Variants in BTRC observed in about 807,000 individuals in gnomAD.
BTRC encodes the protein beta-transducin repeat containing E3 ubiquitin protein ligase, also known as F-box/WD repeat-containing protein 1A.
Under a neutral mutation model 85.5 loss-of-function variants are expected in BTRC, and 42 were observed. The ratio of observed to expected loss-of-function variants is 0.49; its 90% CI spans 0.38 to 0.64. The LOEUF (loss-of-function observed/expected upper bound fraction) is 0.64, where lower values mean the gene tolerates loss of function less well. Ranked by LOEUF, BTRC falls within the 30% of genes least tolerant of loss-of-function variation. The pLI is 0.00. For missense variants in BTRC, 594 were observed against 743.5 expected (o/e 0.80, Z 2.34); for synonymous variants, 255 against 263.3 (o/e 0.97, Z 0.30).
chr10:101,453,975 C>T (rs1945012689), intron 2 of BTRC, among the ~76,000 whole-genome samples: 1 of 152,150 alleles, frequency 6.6e-6, no homozygotes, highest in South Asian at 2.1e-4. Context: ...TGGCTATGGG[C>T]CAGTTAAACT....
intron 1 of BTRC, among the ~76,000 whole-genome samples, chr10:101,400,100 T>C (rs1943458476): frequency 6.6e-6 from 1 of 152,202 alleles, no homozygotes; most frequent in Admixed American, 6.5e-5. Flanking sequence ...TAGATAATGT[T>C]CATTTTTGTT....
Position 101,532,305 on chromosome 10 carries a change from C to G in BTRC, c.851C>G (p.Ser284Cys). 1 of 1,610,956 alleles carries G rather than the reference C, an allele frequency of 6.2e-7. No homozygotes were observed. Among genetic ancestry groups the G allele is most frequent in the Non-Finnish European group, 8.5e-7 (1 of 1,179,010 alleles). ...ATTCCTTCTTCTCAGACAATAGAAT[C>G]TAATTGGAGATGTGGAAGACATAGT... ...KIIQDIETIE[S>C]NWRCGRHSLQ... Residue 284 changes from serine to cysteine, a missense_variant, in exon 8 of 15, where the codon TCT becomes TGT. By Grantham distance (112) the Ser-to-Cys change is moderately radical. Coordinates refer to ENST00000370187, the MANE Select transcript of BTRC (RefSeq NM_033637.4).
intron 4 of BTRC, among the ~76,000 whole-genome samples, chr10:101,480,513 T>G (rs1167864668): frequency 6.6e-6 from 1 of 152,216 alleles, no homozygotes; most frequent in Non-Finnish European, 1.5e-5. Context: ...TCTCACTGCA[T>G]CCTCACATGA....
At chr10:101,524,943 GGGGAAA>G (rs2062168602) in intron 5 of BTRC, among the ~76,000 whole-genome samples, 1 of 152,114 alleles carries the variant, frequency 6.6e-6, no homozygotes, top group Non-Finnish European at 1.5e-5. Context: ...ATATGATTCA[GGGGAAA>G]GGCCCAAAAT....
chr10:101,494,140 T>C (rs993505198), intron 4 of BTRC, among the ~76,000 whole-genome samples: 5 of 152,318 alleles, frequency 3.3e-5, no homozygotes, highest in African/African-American at 1.2e-4. Flanking sequence ...CACCCCTAGT[T>C]TGAGCTGCTC....
At chr10:101,491,657 TC>T (rs1946136853) in intron 4 of BTRC, among the ~76,000 whole-genome samples, 1 of 151,258 alleles carries the variant, frequency 6.6e-6, no homozygotes, top group Non-Finnish European at 1.5e-5. Flanking sequence ...AGATCGCGCC[TC>T]TGCACTCCAG....
At chr10:101,493,838 G>T (rs1251677191) in intron 4 of BTRC, among the ~76,000 whole-genome samples, 1 of 152,178 alleles carries the variant, frequency 6.6e-6, no homozygotes, top group Non-Finnish European at 1.5e-5. Context: ...TTCTTTTCAA[G>T]CTTTGATTGT....
chr10:101,533,178 G>T, intron 9 of BTRC, 108 bp downstream of exon 9: 9 of 673,156 alleles, frequency 1.3e-5, no homozygotes, highest in African/African-American at 3.6e-5. Flanking sequence ...AACTAAAGAA[G>T]AATAAACCAC....
rs1208791807 is a variant in BTRC at position 101,455,983 on chromosome 10, A to AACACACACACAAAC, written c.157-5987_157-5986insAACACACACACACA. On this transcript the variant is annotated intron_variant, in intron 2 of 14. Transcript: ENST00000370187. ...ATGGTGAAACTCTGTCTCTACTAAA[A>AACACACACACAAAC]ACACACACACACACACACACACACA... Among the ~76,000 whole-genome samples the AACACACACACAAAC allele has an allele frequency of 4.2e-5, 4 of 96,044 alleles. No homozygotes were observed. In the East Asian group the frequency reaches 1.2e-3, roughly 29 times the overall value. 63.0% of individuals were successfully genotyped at this position (96,044 alleles called of 152,430 possible).
intron 1 of BTRC, among the ~76,000 whole-genome samples, chr10:101,370,053 T>G (rs1942588238): frequency 6.6e-6 from 1 of 152,200 alleles, no homozygotes; most frequent in African/African-American, 2.4e-5. Context: ...ACATTTGGAC[T>G]TCAACACTCT....
In BTRC at chr10:101,386,258, C is replaced by T. The variant is rs145833672; in HGVS notation, c.48+32030C>T. ...GATGTGGTATAACCAAGCAAATGCC[C>T]AGCAAGGTCAGTTTACTCTAGTAAG... On this transcript the variant is annotated intron_variant, in intron 1 of 14. Transcript: ENST00000370187. Among the ~76,000 whole-genome samples, 12 of 152,276 alleles carry T rather than the reference C, an allele frequency of 7.9e-5. No individual in the cohort carries two copies. The East Asian group carries it at 2.3e-3, about 29-fold the overall frequency.
intron 2 of BTRC, among the ~76,000 whole-genome samples, chr10:101,446,839 C>G (rs944516965): frequency 3.9e-5 from 6 of 152,006 alleles, no homozygotes; most frequent in African/African-American, 1.5e-4. Flanking sequence ...ATGTTTCTTC[C>G]CTCTATCCCC....
At chr10:101,483,390 C>T (rs1363494405) in intron 4 of BTRC, among the ~76,000 whole-genome samples, 2 of 152,164 alleles carry the variant, frequency 1.3e-5, no homozygotes, top group African/African-American at 4.8e-5. Flanking sequence ...GTCAGGAGTT[C>T]AAGACCAGCC....
At chr10:101,425,233 C>G (rs1944219133) in intron 1 of BTRC, among the ~76,000 whole-genome samples, 1 of 152,130 alleles carries the variant, frequency 6.6e-6, no homozygotes, top group Non-Finnish European at 1.5e-5. Flanking sequence ...TGTGTCTTTA[C>G]TATCGCATTG....
At chr10:101,470,366 T>C (rs1355738321) in intron 3 of BTRC, among the ~76,000 whole-genome samples, 5 of 147,774 alleles carry the variant, frequency 3.4e-5, no homozygotes, top group African/African-American at 1.0e-4. Flanking sequence ...GGAGTCTCGC[T>C]GTGTCGCCCA....
chr10:101,369,925 C>T (rs1375326775), intron 1 of BTRC, among the ~76,000 whole-genome samples: 2 of 152,180 alleles, frequency 1.3e-5, no homozygotes, highest in Non-Finnish European at 2.9e-5. Context: ...TCCCCACACC[C>T]ACTATATAGA....
intron 6 of BTRC, among the ~76,000 whole-genome samples, chr10:101,527,282 CTTTCTT>C (rs763842946): frequency 8.5e-4 from 130 of 152,176 alleles, no homozygotes; most frequent in Non-Finnish European, 1.6e-3. Flanking sequence ...AGTTGGCTCT[CTTTCTT>C]TTTTTCTATC....
At chr10:101,471,469 A>G (rs1325274610) in intron 3 of BTRC, among the ~76,000 whole-genome samples, 1 of 152,204 alleles carries the variant, frequency 6.6e-6, no homozygotes, top group Non-Finnish European at 1.5e-5. Context: ...TTCTGTTAAT[A>G]CGACAAATTA....
intron 2 of BTRC, among the ~76,000 whole-genome samples, chr10:101,458,410 A>C (rs1256040395): frequency 6.6e-6 from 1 of 152,136 alleles, no homozygotes; most frequent in Non-Finnish European, 1.5e-5. Flanking sequence ...GGAATTTTTC[A>C]TTTTTTAATG....
Sources: allele counts gnomAD v4.1 joint callset (sites outside exome capture counted in the v4.1 genomes callset), GRCh38; gene constraint gnomAD v4.1.1; transcripts MANE v1.5; gene names NCBI Gene and HGNC (gene_info 2026-07-23, HGNC 2026-07-21).